NLK: variants seen among roughly 807,000 people sequenced by gnomAD.
NLK encodes nemo like kinase, also known as serine/threonine-protein kinase NLK.
In NLK, 11 loss-of-function variants were observed where a neutral mutation model predicts 59.0. The ratio of observed to expected loss-of-function variants is 0.19; its 90% CI spans 0.12 to 0.31. The LOEUF is 0.31. Ranked by LOEUF, NLK falls within the 10% of genes least tolerant of loss-of-function variation. The pLI, the probability that NLK is intolerant of heterozygous loss-of-function variation, is 1.00. For synonymous variants in NLK, 235 were observed against 235.9 expected, an observed-to-expected ratio of 1.00 and a Z score of 0.03; for missense variants, 410 against 661.1, an observed-to-expected ratio of 0.62 and a Z score of 4.16.
At chr17:28,182,490 G>A (rs1908949563) in intron 7 of NLK, among the ~76,000 whole-genome samples, 1 of 152,060 alleles carries the variant, frequency 6.6e-6, no homozygotes, top group Admixed American at 6.6e-5. Context: ...TGCTGTTTCT[G>A]GCCTTCCAGT....
intron 1 of NLK, among the ~76,000 whole-genome samples, chr17:28,097,712 TATA>T (rs1345398650): frequency 6.6e-6 from 1 of 152,282 alleles, no homozygotes; most frequent in Non-Finnish European, 1.5e-5. Context: ...TTGATATGAT[TATA>T]ATGACAGATA....
chr17:28,094,298 G>GTCAGATTGC (rs1467824760), intron 1 of NLK, among the ~76,000 whole-genome samples: 4 of 152,196 alleles, frequency 2.6e-5, no homozygotes, highest in African/African-American at 9.6e-5. Context: ...GAGAGATGAT[G>GTCAGATTGC]TCAGATTGCT....
intron 1 of NLK, among the ~76,000 whole-genome samples, chr17:28,088,592 T>C (rs1360453128): frequency 6.6e-6 from 1 of 152,198 alleles, no homozygotes; most frequent in Non-Finnish European, 1.5e-5. Context: ...TAGAAAAATA[T>C]TTCTTAGTTT....
chr17:28,173,145 A>G (rs1009083840), intron 7 of NLK, among the ~76,000 whole-genome samples: 3 of 152,230 alleles, frequency 2.0e-5, no homozygotes, highest in African/African-American at 7.2e-5. Context: ...CTGCTGAGAA[A>G]GACAAAATGG....
At chr17:28,177,283 A>G (rs747945101) in intron 7 of NLK, among the ~76,000 whole-genome samples, 7 of 152,216 alleles carry the variant, frequency 4.6e-5, no homozygotes, top group Non-Finnish European at 1.0e-4. Context: ...TCAACTGTAT[A>G]CATATACAGA....
At chr17:28,055,048 G>C (rs546314358) in intron 1 of NLK, among the ~76,000 whole-genome samples, 1 of 151,108 alleles carries the variant, frequency 6.6e-6, no homozygotes, top group Non-Finnish European at 1.5e-5. Context: ...AGCGGAGATA[G>C]TAATAGTATT....
chr17:28,146,204 TTAC>T lies in NLK; in HGVS notation c.644+13531_644+13533del, dbSNP rs1385525800. On this transcript the variant is annotated intron_variant, in intron 3 of 10. Coordinates refer to ENST00000407008, the MANE Select transcript of NLK (RefSeq NM_016231.5). ...TACTAGCTTTTTGACCTTCAAAAAG[TTAC>T]TTGATACTCTTCCCTAAGCCTCAGT... Among the ~76,000 whole-genome samples, 342 of 152,306 alleles carry T rather than the reference TTAC, an allele frequency of 2.2e-3. 9 individuals are homozygous for T. The South Asian group carries it at 0.064, about 28-fold the overall frequency.
chr17:28,143,927 C>T (rs1288984343), intron 3 of NLK, among the ~76,000 whole-genome samples: 2 of 152,212 alleles, frequency 1.3e-5, no homozygotes, highest in Non-Finnish European at 2.9e-5. Flanking sequence ...TTATACAACA[C>T]CTTGTCATCG....
intron 1 of NLK, among the ~76,000 whole-genome samples, chr17:28,084,926 C>A (rs180700051): frequency 6.6e-6 from 1 of 152,282 alleles, no homozygotes; most frequent in Admixed American, 6.5e-5. Context: ...TGTGAAAAAA[C>A]ACAAATCAGT....
At chr17:28,047,676 AC>A (rs1236015550) in intron 1 of NLK, among the ~76,000 whole-genome samples, 1 of 152,052 alleles carries the variant, frequency 6.6e-6, no homozygotes, top group Non-Finnish European at 1.5e-5. Context: ...TAGTGATTTA[AC>A]AAAAAAATTA....
intron 1 of NLK, among the ~76,000 whole-genome samples, chr17:28,051,972 T>TA (rs1420955896): frequency 1.3e-5 from 2 of 152,060 alleles, no homozygotes; most frequent in Admixed American, 1.3e-4. Flanking sequence ...GTGGTGACTT[T>TA]TATAGAGTTT....
intron 8 of NLK, 61 bp downstream of exon 8, chr17:28,185,326 A>T: frequency 9.1e-7 from 1 of 1,093,920 alleles, no homozygotes; most frequent in Non-Finnish European, 1.3e-6. Context: ...TTCGAGAGAA[A>T]CATTGTGGTT....
chr17:28,111,892 GTGTGGTGTGTGT>G (rs1358921999), intron 1 of NLK, among the ~76,000 whole-genome samples: 26 of 114,524 alleles, frequency 2.3e-4, no homozygotes, highest in African/African-American at 1.0e-3. Flanking sequence ...GTGTGTGTGT[GTGTGGTGTGTGT>G]GTGTGTGTGT....
intron 3 of NLK, among the ~76,000 whole-genome samples, chr17:28,156,214 A>G (rs554259711): frequency 5.9e-5 from 9 of 152,288 alleles, no homozygotes; most frequent in African/African-American, 2.2e-4. Context: ...GCTCAGCTTT[A>G]ACAATATTAA....
At chr17:28,179,814 A>G (rs1168615555) in intron 7 of NLK, among the ~76,000 whole-genome samples, 1 of 139,458 alleles carries the variant, frequency 7.2e-6, no homozygotes, top group Non-Finnish European at 1.5e-5. Context: ...CCAAAGGGTT[A>G]TGATTACAGG....
At chr17:28,051,507 T>C (rs1333787789) in intron 1 of NLK, among the ~76,000 whole-genome samples, 2 of 151,948 alleles carry the variant, frequency 1.3e-5, no homozygotes, top group African/African-American at 4.8e-5. Context: ...TACAGGCACG[T>C]GGCACCACAC....
intron 3 of NLK, among the ~76,000 whole-genome samples, chr17:28,151,281 A>G (rs1032424914): frequency 1.6e-4 from 25 of 152,184 alleles, no homozygotes; most frequent in South Asian, 2.1e-4. Flanking sequence ...CTGCTAGAGC[A>G]AAGCAAAAAC....
intron 1 of NLK, among the ~76,000 whole-genome samples, chr17:28,120,272 GTA>G (rs1367161554): frequency 1.8e-3 from 235 of 128,110 alleles, no homozygotes; most frequent in Middle Eastern, 7.8e-3. Flanking sequence ...GTGTGTGTGT[GTA>G]TGTGTGTGTG....
chr17:28,172,035 G>T (rs1908482645), intron 6 of NLK, among the ~76,000 whole-genome samples: 1 of 151,136 alleles, frequency 6.6e-6, no homozygotes, highest in Non-Finnish European at 1.5e-5. Flanking sequence ...GAATATATAG[G>T]ATAATCCTAT....
Sources: gnomAD v4.1 joint callset for allele counts (sites outside exome capture counted in the v4.1 genomes callset) on GRCh38, gnomAD v4.1.1 for gene constraint, MANE v1.5 for transcripts, NCBI Gene and HGNC (gene_info 2026-07-23, HGNC 2026-07-21) for gene names.